Variants in MAPK9 observed in about 807,000 individuals in gnomAD.
The protein encoded by MAPK9 is mitogen-activated protein kinase 9, also known as Jun kinase.
In MAPK9, 30 loss-of-function variants were observed where a neutral mutation model predicts 57.1. The ratio of observed to expected loss-of-function variants is 0.53; its 90% CI spans 0.39 to 0.71. The LOEUF (loss-of-function observed/expected upper bound fraction) is 0.71, where lower values mean the gene tolerates loss of function less well. MAPK9 is among the 30% of genes least tolerant of loss of function. The pLI is 0.00. For missense variants in MAPK9, 362 were observed against 521.0 expected (o/e 0.69, Z 2.97); for synonymous variants, 155 against 177.0 (o/e 0.88, Z 0.99).
intron 1 of MAPK9, 86 bp from the exon 2 acceptor site, chr5:180,280,694 T>C (rs1762248664): frequency 4.8e-6 from 5 of 1,038,252 alleles, no homozygotes; most frequent in South Asian, 4.3e-5. Context: ...TATTGGTATG[T>C]AAGACAATGT....
chr5:180,276,810 C>T (rs1385171701), intron 2 of MAPK9, among the ~76,000 whole-genome samples: 2 of 152,156 alleles, frequency 1.3e-5, no homozygotes, highest in Non-Finnish European at 2.9e-5. Flanking sequence ...GCCAAGATCA[C>T]GCCACTGCAC....
intron 1 of MAPK9, among the ~76,000 whole-genome samples, chr5:180,291,284 AAG>A (rs1561860786): frequency 7.0e-6 from 1 of 143,510 alleles, no homozygotes; most frequent in Non-Finnish European, 1.5e-5. Flanking sequence ...ATGACAAGGC[AAG>A]AGAGGAGTGC....
intron 4 of MAPK9, among the ~76,000 whole-genome samples, chr5:180,262,173 A>G (rs1245652275): frequency 6.6e-6 from 1 of 152,064 alleles, no homozygotes; most frequent in Non-Finnish European, 1.5e-5. Context: ...CTGGTGGGAG[A>G]TGCTGAGAAC....
At chr5:180,238,290 G>C in intron 11 of MAPK9, 42 bp downstream of exon 11, 1 of 1,526,260 alleles carries the variant, frequency 6.6e-7, no homozygotes, top group Non-Finnish European at 9.0e-7. Context: ...AGTTGAATAG[G>C]GAAAGAAAAA....
intron 1 of MAPK9, among the ~76,000 whole-genome samples, chr5:180,291,178 A>ATGAGTGGGAC (rs1405096933): frequency 6.6e-6 from 1 of 152,076 alleles, no homozygotes; most frequent in Non-Finnish European, 1.5e-5. Flanking sequence ...GGCGGGCGAG[A>ATGAGTGGGAC]TGAGTGGGAC....
intron 5 of MAPK9, among the ~76,000 whole-genome samples, chr5:180,254,708 C>G (rs940213382): frequency 1.3e-5 from 2 of 152,132 alleles, no homozygotes; most frequent in Non-Finnish European, 2.9e-5. Flanking sequence ...AGAGATAAAA[C>G]CAAACCAAAA....
rs770721660 is a variant in MAPK9, at chr5:180,238,454, A to G, written c.1061-51T>C. On this transcript the variant is annotated intron_variant, in intron 10 of 11. Transcript: ENST00000452135. ...GCTTAATCAGTTTCTAAACAGTTTC[A>G]CTGTATCTCTAAACTCTGCTTCCAA... The G allele has an allele frequency of 3.1e-6, 4 of 1,274,280 alleles. No homozygotes were observed. The South Asian group carries it at 4.8e-5, about 15-fold the overall frequency. 78.9% of individuals were successfully genotyped at this position (1,274,280 alleles called of 1,614,324 possible).
chr5:180,266,168 A>G (rs2127600306), intron 3 of MAPK9, among the ~76,000 whole-genome samples: 1 of 152,278 alleles, frequency 6.6e-6, no homozygotes, highest in East Asian at 1.9e-4. Context: ...GGCCATAAAA[A>G]TTAAATTACC....
chr5:180,288,355 T>C (rs76752307), intron 1 of MAPK9, among the ~76,000 whole-genome samples: 22,951 of 152,146 alleles, frequency 0.15, 2,102 homozygotes, highest in Middle Eastern at 0.2. Context: ...AGACGTATCA[T>C]CCAATCAACA....
chr5:180,279,936 AC>A (rs1479909164), intron 2 of MAPK9: 1 of 456,658 alleles, frequency 2.2e-6, no homozygotes, highest in Admixed American at 2.3e-5. Context: ...GGCCAGCCCA[AC>A]CCCTCACACA....
At position 180,247,963 on chromosome 5, in the gene MAPK9, C is replaced by A; in HGVS notation, c.617-453G>T. The A allele has an allele frequency of 1.9e-6, 3 of 1,597,202 alleles. No homozygotes were observed. The highest frequency in any genetic ancestry group is 2.6e-6 in the Non-Finnish European group (3 of 1,170,528). On this transcript the variant is annotated intron_variant, in intron 6 of 11. Coordinates refer to ENST00000452135, the MANE Select transcript of MAPK9 (RefSeq NM_002752.5). The surrounding 1 kb of genome is among the most constrained non-coding windows in gnomAD (Gnocchi z 4.5). Reference sequence around the variant, plus strand: ...CAGGGGATTAAAAACCAGCTAGAGTCCCCCATCTTTTTTCTTCAAACCCCC... The same window carrying A: ...CAGGGGATTAAAAACCAGCTAGAGTACCCCATCTTTTTTCTTCAAACCCCC...
intron 1 of MAPK9, among the ~76,000 whole-genome samples, chr5:180,290,745 C>T (rs1763156885): frequency 1.3e-5 from 2 of 152,194 alleles, no homozygotes; most frequent in African/African-American, 4.8e-5. Context: ...ACTAAATGAA[C>T]AGATAAAGCA....
Position 180,240,950 on chromosome 5 carries a change from G to T in MAPK9, c.996+81C>A, listed in dbSNP as rs189935590. 9.2e-5 allele frequency: 133 copies of T among 1,444,864 alleles called. No homozygotes were observed. In the African/African-American group the frequency reaches 1.5e-3, roughly 16 times the overall value. 89.5% of individuals were successfully genotyped at this position (1,444,864 alleles called of 1,614,324 possible). A position where few individuals can be genotyped will look rare whatever the true frequency, so the allele number is the denominator to read the frequency against. On this transcript the variant is annotated intron_variant, in intron 9 of 11. Transcript: ENST00000452135. ...ATGGAGAACTTGCTACCCATATGTA[G>T]CCACTCTGGACGGACAGACAAGATC...
At position 180,234,610 on chromosome 5, in the gene MAPK9, A is replaced by C. The variant is rs36010045; in HGVS notation, c.*1774T>G. On this transcript the variant is annotated 3_prime_UTR_variant, in exon 12 of 12. Coordinates refer to ENST00000452135, the MANE Select transcript of MAPK9 (RefSeq NM_002752.5). ...TGTTTTTCCTTTTAAAGATAGATTT[A>C]GTGAAGTCTTTTAAAAGAAAGTGTA... 0.12 allele frequency: 18,011 copies of C among 152,260 alleles called. 1,239 individuals carry two copies. Among genetic ancestry groups the C allele is most frequent in the South Asian group, 0.18 (859 of 4,822 alleles). The allele number at this position is 152,260 out of a possible 1,614,324, so 9.4% of individuals were successfully genotyped here.
intron 8 of MAPK9, among the ~76,000 whole-genome samples, chr5:180,241,375 G>C (rs1321424742): frequency 6.6e-6 from 1 of 150,818 alleles, no homozygotes; most frequent in Non-Finnish European, 1.5e-5. Flanking sequence ...TTGGCTCACT[G>C]CAAGTTCCAC....
chr5:180,238,249 G>T, intron 11 of MAPK9, 83 bp downstream of exon 11: 1 of 1,070,816 alleles, frequency 9.3e-7, no homozygotes, highest in Admixed American at 1.9e-5. Flanking sequence ...CAGCCTGGGC[G>T]ACAGAACGAA....
At chr5:180,270,767 C>A (rs553698110) in intron 2 of MAPK9, among the ~76,000 whole-genome samples, 1 of 147,112 alleles carries the variant, frequency 6.8e-6, no homozygotes, top group South Asian at 2.1e-4. Context: ...GGGAGGACTG[C>A]TTGAGCCGGG....
chr5:180,269,534 CA>C (rs1761054672), intron 2 of MAPK9, 125 bp from the exon 3 acceptor site: 1 of 908,244 alleles, frequency 1.1e-6, no homozygotes, highest in South Asian at 1.6e-5. Flanking sequence ...TTATTTCATT[CA>C]AGGTACTTGC....
chr5:180,247,809 C>T lies in MAPK9; in HGVS notation c.617-299G>A, dbSNP rs939944220. 1 of 1,588,650 alleles carries T rather than the reference C, an allele frequency of 6.3e-7. No individual in the cohort carries two copies. Among genetic ancestry groups the T allele is most frequent in the Non-Finnish European group, 8.6e-7 (1 of 1,157,088 alleles). On this transcript the variant is annotated intron_variant, in intron 6 of 11. Transcript: ENST00000452135. This position sits in a 1 kb window ranked among gnomAD's most constrained non-coding sequence, Gnocchi z 4.5. ...ACAAAGCTTTTCAGGGCCACACGCCCACCCCAGCCTCCATGGCCAAGTACC... is the reference window on the plus strand; with the variant it reads ...ACAAAGCTTTTCAGGGCCACACGCCTACCCCAGCCTCCATGGCCAAGTACC...
Sources: allele counts gnomAD v4.1 joint callset (sites outside exome capture counted in the v4.1 genomes callset), GRCh38; gene constraint gnomAD v4.1.1; non-coding constraint Gnocchi (gnomAD v3.1); transcripts MANE v1.5; gene names NCBI Gene and HGNC (gene_info 2026-07-23, HGNC 2026-07-21).